The following RANBP2 variants were observed in gnomAD, a reference collection of about 807,000 sequenced individuals.
RANBP2 encodes RAN binding protein 2.
A neutral mutation model predicts 303.6 loss-of-function variants in RANBP2; 57 were observed. The observed-to-expected ratio is 0.19, with a 90% CI of 0.15 to 0.23. The LOEUF is 0.23. Among genes scored for constraint, RANBP2 ranks in the 10% least tolerant of loss-of-function variants. RANBP2 has a pLI of 1.00. For missense variants in RANBP2, 3,138 were observed against 3,780.8 expected (o/e 0.83, Z 4.46); for synonymous variants, 1,167 against 1,301.5 (o/e 0.90, Z 2.23).
At chr2:109,723,309 C>G in the RANBP2 span, among the ~76,000 whole-genome samples, 1,049 of 152,148 alleles carry the variant, frequency 6.9e-3, 9 homozygotes, top group Non-Finnish European at 0.013. Context: ...GTGCCACACG[C>G]CCGGCTAATT....
At chr2:109,217,059 T>A in the RANBP2 span, among the ~76,000 whole-genome samples, 1 of 152,214 alleles carries the variant, frequency 6.6e-6, no homozygotes. Context: ...CTTATTTCAC[T>A]CAGCACAGTG....
chr2:109,515,354 A>T, the RANBP2 span, among the ~76,000 whole-genome samples: 1 of 152,152 alleles, frequency 6.6e-6, no homozygotes, highest in Non-Finnish European at 1.5e-5. Context: ...CTGGGGGCAG[A>T]GTGGCTATGC....
the RANBP2 span, among the ~76,000 whole-genome samples, chr2:109,194,319 G>T: frequency 6.6e-6 from 1 of 152,230 alleles, no homozygotes. Flanking sequence ...TCGAAAGCTT[G>T]GGCTGCGGTG....
the RANBP2 span, among the ~76,000 whole-genome samples, chr2:109,029,318 G>T: frequency 6.6e-6 from 1 of 151,986 alleles, no homozygotes; most frequent in African/African-American, 2.4e-5. Context: ...ACTCCTCCAA[G>T]TTCCTTCCAT....
At chr2:109,656,983 T>A in the RANBP2 span, among the ~76,000 whole-genome samples, 1 of 152,120 alleles carries the variant, frequency 6.6e-6, no homozygotes, top group African/African-American at 2.4e-5. Flanking sequence ...AACTATAGAA[T>A]GGGGACAATA....
chr2:108,883,140 G>A, the RANBP2 span: 1 of 151,308 alleles, frequency 6.6e-6, no homozygotes, highest in Non-Finnish European at 1.5e-5. Flanking sequence ...ATGTGTAGAG[G>A]AAGGTGTGAT....
At chr2:109,058,851 T>C in the RANBP2 span, among the ~76,000 whole-genome samples, 1 of 151,444 alleles carries the variant, frequency 6.6e-6, no homozygotes, top group South Asian at 2.1e-4. Flanking sequence ...GGGCAGTGAG[T>C]TGGGGAGGGG....
the RANBP2 span, among the ~76,000 whole-genome samples, chr2:109,523,364 C>T: frequency 4.6e-5 from 7 of 152,142 alleles, no homozygotes; most frequent in African/African-American, 1.4e-4. Flanking sequence ...CAAGCTGTGC[C>T]ATCCTCACTT....
chr2:108,992,324 CTGTT>C, the RANBP2 span, among the ~76,000 whole-genome samples: 521 of 152,280 alleles, frequency 3.4e-3, 3 homozygotes, highest in African/African-American at 0.01. Context: ...AGCTTATGCT[CTGTT>C]TGGGGAGGCA....
chr2:109,603,436 T>TC, the RANBP2 span, among the ~76,000 whole-genome samples: 1 of 152,180 alleles, frequency 6.6e-6, no homozygotes, highest in East Asian at 1.9e-4. Flanking sequence ...AGATGGGGTT[T>TC]CACCCTGTTA....
the RANBP2 span, among the ~76,000 whole-genome samples, chr2:109,379,830 C>G: frequency 2.0e-5 from 3 of 152,150 alleles, no homozygotes; most frequent in Admixed American, 6.5e-5. Flanking sequence ...AAGCGAGGAC[C>G]AGAAGGCAGG....
At chr2:108,779,256 A>G (rs899996806) in intron 25 of RANBP2, among the ~76,000 whole-genome samples, 1 of 152,048 alleles carries the variant, frequency 6.6e-6, no homozygotes, top group East Asian at 1.9e-4. Flanking sequence ...TCTGCTTGCT[A>G]GGTTCAAGTG....
chr2:109,513,162 C>T, the RANBP2 span, among the ~76,000 whole-genome samples: 7 of 152,278 alleles, frequency 4.6e-5, no homozygotes, highest in South Asian at 1.4e-3. Context: ...CTCCCGTGCC[C>T]TGGAATTTCT....
chr2:109,479,508 C>T, the RANBP2 span, among the ~76,000 whole-genome samples: 4 of 152,084 alleles, frequency 2.6e-5, no homozygotes, highest in East Asian at 1.9e-4. Context: ...TAAGTTCCAC[C>T]GTATCTGTTC....
chr2:109,129,779 G>A, the RANBP2 span: 1 of 1,538,662 alleles, frequency 6.5e-7, no homozygotes, highest in Middle Eastern at 1.8e-4. Flanking sequence ...TTCTGCCGCC[G>A]CTGCCTGGAG....
At chr2:109,516,772 C>T in the RANBP2 span, among the ~76,000 whole-genome samples, 1 of 152,268 alleles carries the variant, frequency 6.6e-6, no homozygotes, top group Non-Finnish European at 1.5e-5. Flanking sequence ...CTTCCTACCT[C>T]TTGCCTTCAG....
At chr2:109,386,125 C>T in the RANBP2 span, among the ~76,000 whole-genome samples, 31 of 152,322 alleles carry the variant, frequency 2.0e-4, 1 homozygote, top group Middle Eastern at 6.8e-3. Context: ...GTGCATAGAC[C>T]TTGAAAGAGA....
the RANBP2 span, among the ~76,000 whole-genome samples, chr2:109,017,205 G>A: frequency 6.6e-6 from 1 of 152,248 alleles, no homozygotes; most frequent in East Asian, 1.9e-4. Flanking sequence ...AAAGGCTCAT[G>A]CCACAAACAA....
chr2:109,253,183 A>G, the RANBP2 span, among the ~76,000 whole-genome samples: 1 of 152,038 alleles, frequency 6.6e-6, no homozygotes, highest in Non-Finnish European at 1.5e-5. Context: ...ACGTGCCACC[A>G]TGCCTGGCTA....
Sources: allele counts gnomAD v4.1 joint callset (sites outside exome capture counted in the v4.1 genomes callset), GRCh38; gene constraint gnomAD v4.1.1; transcripts MANE v1.5; gene names NCBI Gene and HGNC (gene_info 2026-07-23, HGNC 2026-07-21).